SCN10A: variants seen among roughly 807,000 people sequenced by gnomAD.
The protein encoded by SCN10A is sodium voltage-gated channel alpha subunit 10.
SCN10A carries 162 observed loss-of-function variants against 170.7 expected under a neutral mutation model. The ratio of observed to expected loss-of-function variants is 0.95; its 90% CI spans 0.84 to 1.08. SCN10A has a LOEUF of 1.08. Ranked by LOEUF, SCN10A falls within the 50% of genes least tolerant of loss-of-function variation. SCN10A has a pLI of 0.00. For synonymous variants in SCN10A, 985 were observed against 904.6 expected, an observed-to-expected ratio of 1.09 and a Z score of -1.59; for missense variants, 2,527 against 2,436.9, an observed-to-expected ratio of 1.04 and a Z score of -0.78.
At chr3:38,757,918 C>A (rs565385729) in intron 8 of SCN10A, among the ~76,000 whole-genome samples, 33 of 152,324 alleles carry the variant, frequency 2.2e-4, no homozygotes, top group African/African-American at 7.5e-4. Flanking sequence ...TGTCAAGAAG[C>A]ATCTGTCAGC....
chr3:38,815,854 T>G (rs1195653064), intron 1 of SCN10A, among the ~76,000 whole-genome samples, 183 bp downstream of exon 1: 2 of 152,248 alleles, frequency 1.3e-5, no homozygotes, highest in African/African-American at 4.8e-5. Context: ...GAGTCTTCTA[T>G]GCATATAGAT....
At position 38,698,090 on chromosome 3, in the gene SCN10A, G is replaced by T. The variant is rs761341190; in HGVS notation, c.5130C>A (p.Phe1710Leu). Residue 1710 changes from phenylalanine to leucine, a missense_variant, in exon 28 of 28, where the codon TTC becomes TTA. Transcript: ENST00000449082. ...CAATGTACATGTTGACCATGATGAG[G>T]AAGGAGATGATGATGTAGGTGGTGA... is the stretch of plus-strand genomic sequence containing the variant. Reference protein sequence around the residue: ...IFFTTYIIISFLIMVNMYIAV... With the variant: ...IFFTTYIIISLLIMVNMYIAV... 1 of 1,614,010 alleles carries T rather than the reference G, an allele frequency of 6.2e-7. No individual in the cohort carries two copies. Among genetic ancestry groups the T allele is most frequent in the Non-Finnish European group, 8.5e-7 (1 of 1,179,992 alleles).
chr3:38,811,383 G>A (rs1285532826), intron 1 of SCN10A, among the ~76,000 whole-genome samples: 2 of 151,564 alleles, frequency 1.3e-5, no homozygotes, highest in African/African-American at 4.9e-5. Flanking sequence ...AACCTGGAAG[G>A]TGGAGGTTGC....
At position 38,772,190 on chromosome 3, in the gene SCN10A, G is replaced by A. The variant is rs189247011; in HGVS notation, c.471-783C>T. ...CCCTCCCTATTCACTTCTGCTCCTCGTTAAGTTTCCAGAAGATAATCTGGT... is the reference window on the plus strand; with the variant it reads ...CCCTCCCTATTCACTTCTGCTCCTCATTAAGTTTCCAGAAGATAATCTGGT... On this transcript the variant is annotated intron_variant, in intron 4 of 27. Coordinates refer to ENST00000449082, the MANE Select transcript of SCN10A (RefSeq NM_006514.4). Among the ~76,000 whole-genome samples the A allele has an allele frequency of 4.1e-4, 63 of 152,024 alleles. 1 individual carries two copies. Among genetic ancestry groups the A allele is most frequent in the Non-Finnish European group, 7.8e-4 (53 of 67,966 alleles).
intron 1 of SCN10A, among the ~76,000 whole-genome samples, chr3:38,803,345 G>A (rs938535920): frequency 5.9e-5 from 9 of 152,114 alleles, no homozygotes; most frequent in Non-Finnish European, 1.0e-4. Context: ...AAAGACACAT[G>A]CACACATATG....
chr3:38,718,755 G>A lies in SCN10A; in HGVS notation c.3579C>T (p.Phe1193=). 6.2e-7 allele frequency: 1 copy of A among 1,614,226 alleles called. No homozygotes were observed. The highest frequency in any genetic ancestry group is 8.5e-7 in the Non-Finnish European group (1 of 1,180,024). ...GCATCTCGAACACAAAGATAAAGGT[G>A]AAGACCCTGTCAGTGTACTCCAGCA... ...KALLEYTDRV[F]TFIFVFEMLL... The change falls in exon 21 of 28, where the codon TTC becomes TTT. Residue 1193 remains phenylalanine (F), a synonymous_variant. Coordinates refer to ENST00000449082, the MANE Select transcript of SCN10A (RefSeq NM_006514.4).
chr3:38,751,351 C>T (rs906916170), intron 12 of SCN10A, among the ~76,000 whole-genome samples: 1 of 152,176 alleles, frequency 6.6e-6, no homozygotes, highest in African/African-American at 2.4e-5. Flanking sequence ...TTCCCTAAGC[C>T]CAGCCCACAC....
chr3:38,763,443 G>C, intron 6 of SCN10A, 62 bp downstream of exon 6: 1 of 1,310,392 alleles, frequency 7.6e-7, no homozygotes, highest in Non-Finnish European at 1.1e-6. Flanking sequence ...GGGTTCTTGT[G>C]AAAATTAGAG....
At chr3:38,791,286 A>C (rs188022604) in intron 3 of SCN10A, among the ~76,000 whole-genome samples, 3 of 152,314 alleles carry the variant, frequency 2.0e-5, no homozygotes, top group African/African-American at 7.2e-5. Context: ...TCACCCAGGA[A>C]GATCTTAGGA....
In SCN10A at chr3:38,738,440, C is replaced by T. The variant is rs573454368; in HGVS notation, c.2280+1075G>A. Among the ~76,000 whole-genome samples the T allele has an allele frequency of 2.6e-5, 4 of 152,268 alleles. No individual in the cohort carries two copies. In the South Asian group the frequency reaches 8.3e-4, roughly 32 times the overall value. Reference sequence around the variant, plus strand: ...TCCAGGTACGCCAAGTTCAGGGGCTCAGCACTGTCTCACTGGCCCCTGTGA... The same window carrying T: ...TCCAGGTACGCCAAGTTCAGGGGCTTAGCACTGTCTCACTGGCCCCTGTGA... On this transcript the variant is annotated intron_variant, in intron 15 of 27. Coordinates refer to ENST00000449082, the MANE Select transcript of SCN10A (RefSeq NM_006514.4).
At chr3:38,722,128 C>T in intron 20 of SCN10A, 130 bp downstream of exon 20, 1 of 898,984 alleles carries the variant, frequency 1.1e-6, no homozygotes, top group South Asian at 1.7e-5. Flanking sequence ...TGCAGCTCTC[C>T]TTCTAGTGAC....
chr3:38,700,864 A>T (rs2063149029), intron 27 of SCN10A, among the ~76,000 whole-genome samples: 1 of 152,214 alleles, frequency 6.6e-6, no homozygotes, highest in Non-Finnish European at 1.5e-5. Context: ...TTATAATGCC[A>T]GGTGAAGCTG....
chr3:38,746,100 T>TATCTATATATATATATATATATCTAG (rs71085336), intron 13 of SCN10A, among the ~76,000 whole-genome samples: 1 of 99,820 alleles, frequency 1.0e-5, no homozygotes, highest in Non-Finnish European at 2.0e-5. Flanking sequence ...TATATATATA[T>TATCTATATATATATATATATATCTAG]GCCATCTTTG....
chr3:38,754,402 T>C (rs2063781067), intron 11 of SCN10A, among the ~76,000 whole-genome samples: 1 of 152,260 alleles, frequency 6.6e-6, no homozygotes, highest in Non-Finnish European at 1.5e-5. Flanking sequence ...CATCTCTTTA[T>C]ACCAAGCACC....
intron 1 of SCN10A, among the ~76,000 whole-genome samples, chr3:38,812,832 G>A (rs1302935578): frequency 2.0e-5 from 3 of 152,006 alleles, no homozygotes; most frequent in South Asian, 2.1e-4. Flanking sequence ...CAAGGAGTTC[G>A]AGACCAGCCT....
At chr3:38,743,032 G>T (rs1333320670) in intron 13 of SCN10A, among the ~76,000 whole-genome samples, 1 of 152,096 alleles carries the variant, frequency 6.6e-6, no homozygotes, top group Non-Finnish European at 1.5e-5. Flanking sequence ...GCCTTGCCCT[G>T]CCCAGAAATC....
rs1166952052 is a variant in SCN10A at position 38,722,273 on chromosome 3, G to A, written c.3492C>T (p.Leu1164=). 1.8e-5 allele frequency: 29 copies of A among 1,613,942 alleles called. No individual in the cohort carries two copies. The highest frequency in any genetic ancestry group is 2.5e-5 in the Non-Finnish European group (29 of 1,179,880). Residue 1164 remains leucine (L), a synonymous_variant, in exon 20 of 28, where the codon CTC becomes CTT. Coordinates refer to ENST00000449082, the MANE Select transcript of SCN10A (RefSeq NM_006514.4). The part of the protein sequence containing the change: ...FESFIIFMIL[L]SSGSLAFEDY... ...CTCCCCTTACCAGAGATCCACTGCT[G>A]AGCAGGATCATGAAGATGATGAAGC...
chr3:38,784,286 G>A (rs2064172288), intron 4 of SCN10A, among the ~76,000 whole-genome samples: 1 of 152,032 alleles, frequency 6.6e-6, no homozygotes, highest in African/African-American at 2.4e-5. Context: ...TATCCACCAC[G>A]ATCAAGTCGG....
At chr3:38,760,067 A>G (rs2063852098) in intron 8 of SCN10A, among the ~76,000 whole-genome samples, 1 of 152,198 alleles carries the variant, frequency 6.6e-6, no homozygotes, top group Non-Finnish European at 1.5e-5. Flanking sequence ...TCTTGTCTCT[A>G]TGTATCCACA....
Sources: gnomAD v4.1 joint callset for allele counts (sites outside exome capture counted in the v4.1 genomes callset) on GRCh38, gnomAD v4.1.1 for gene constraint, MANE v1.5 for transcripts, NCBI Gene and HGNC (gene_info 2026-07-23, HGNC 2026-07-21) for gene names.